The following TRMT10A variants were observed in gnomAD, a reference collection of about 807,000 sequenced individuals.
The protein encoded by TRMT10A is tRNA methyltransferase 10 homolog A.
A neutral mutation model predicts 40.4 loss-of-function variants in TRMT10A; 37 were observed. The observed-to-expected ratio is 0.92, with a 90% CI of 0.71 to 1.21. The LOEUF (loss-of-function observed/expected upper bound fraction) is 1.21. Ranked by LOEUF, TRMT10A falls within the 50% of genes most tolerant of loss-of-function variation. TRMT10A has a pLI of 0.00. For missense variants in TRMT10A, 388 were observed against 404.3 expected, an observed-to-expected ratio of 0.96 and a Z score of 0.35; for synonymous variants, 103 against 134.1, an observed-to-expected ratio of 0.77 and a Z score of 1.60.
At chr4:99,563,572 G>T in intron 1 of TRMT10A, 1 of 246,938 alleles carries the variant, frequency 4.0e-6, no homozygotes, top group South Asian at 4.0e-5. Context: ...CACATACTAC[G>T]GGCCGATGGC....
chr4:99,552,715 AACTG>A (rs149302760), intron 6 of TRMT10A, among the ~76,000 whole-genome samples: 1 of 152,322 alleles, frequency 6.6e-6, no homozygotes, highest in Non-Finnish European at 1.5e-5. Context: ...AATTTTAAAT[AACTG>A]ACAAGTTTTA....
chr4:99,551,632 A>C (rs979336679), intron 6 of TRMT10A, among the ~76,000 whole-genome samples: 3 of 152,130 alleles, frequency 2.0e-5, no homozygotes, highest in Non-Finnish European at 4.4e-5. Flanking sequence ...TATTTACTAT[A>C]CTTTTTATCG....
Position 99,563,917 on chromosome 4 carries a change from C to G in TRMT10A, c.-28G>C, listed in dbSNP as rs899563656. 2.2e-5 allele frequency: 17 copies of G among 778,852 alleles called. No individual in the cohort carries two copies. The highest frequency in any genetic ancestry group is 3.3e-5 in the Non-Finnish European group (15 of 456,734). 48.2% of individuals were successfully genotyped at this position (778,852 alleles called of 1,614,324 possible). A position where few individuals can be genotyped will look rare whatever the true frequency, so the allele number is the denominator to read the frequency against. ...AACCAGTGCCAGGACACTTACCGAG[C>G]TGAAGAGTTGACAGGGAAGTGAAAT... On this transcript the variant is annotated 5_prime_UTR_variant, in exon 1 of 8. Coordinates refer to ENST00000394876, the MANE Select transcript of TRMT10A (RefSeq NM_001134665.3).
In TRMT10A at chr4:99,549,201, C is replaced by G. The variant is rs774007477; in HGVS notation, c.907G>C (p.Asp303His). The G allele has an allele frequency of 1.2e-6, 2 of 1,614,042 alleles. No individual in the cohort carries two copies. Among genetic ancestry groups the G allele is most frequent in the South Asian group, 2.2e-5 (2 of 91,084 alleles). Residue 303 changes from aspartate to histidine, a missense_variant, in exon 8 of 8, where the codon GAC (aspartate) becomes CAC (histidine). Physicochemically the swap from Asp to His is moderately conservative, Grantham distance 81 (BLOSUM62 -1). Transcript: ENST00000394876. ...TATTCCTCCTCACTGGAATCACTGTCCGATCCACCTTCCTCCATCCTGACA... is the reference window on the plus strand; with the variant it reads ...TATTCCTCCTCACTGGAATCACTGTGCGATCCACCTTCCTCCATCCTGACA... ...QSVRMEEGGSDSDSSEEEYSR... is the reference protein window; with the variant it reads ...QSVRMEEGGSHSDSSEEEYSR...
At position 99,550,891 on chromosome 4, in the gene TRMT10A, T is replaced by C; in HGVS notation, c.745A>G (p.Asn249Asp). Residue 249 changes from asparagine (N) to aspartate (D), a missense_variant, in exon 7 of 8, where the codon AAT becomes GAT. Transcript: ENST00000394876. ...TTTATCCCTTACAGCTTACCATGAT[T>C]AACTGCCAAAACTTTTCGACTATTC... is the stretch of plus-strand genomic sequence containing the variant. ...KMNSRKVLAV[N>D]HVFEIILEYL... 6.2e-7 allele frequency: 1 copy of C among 1,611,844 alleles called. No individual in the cohort carries two copies. The highest frequency in any genetic ancestry group is 8.5e-7 in the Non-Finnish European group (1 of 1,178,498).
chr4:99,562,954 TG>T, intron 1 of TRMT10A, among the ~76,000 whole-genome samples: 1 of 152,268 alleles, frequency 6.6e-6, no homozygotes, highest in East Asian at 1.9e-4. Context: ...CCCCAGTAGC[TG>T]GGATTACTGG....
chr4:99,557,634 GTATT>G, intron 3 of TRMT10A: 1 of 452,686 alleles, frequency 2.2e-6, no homozygotes, highest in Middle Eastern at 5.9e-4. Context: ...TTCATATTTT[GTATT>G]TATTTAAAAT....
chr4:99,563,844 G>A, intron 1 of TRMT10A, 69 bp downstream of exon 1: 1 of 667,168 alleles, frequency 1.5e-6, no homozygotes, highest in Non-Finnish European at 2.7e-6. Context: ...GGGCTGCATG[G>A]CACGCGCCCC....
At chr4:99,559,651 C>T (rs1460178946) in intron 1 of TRMT10A, among the ~76,000 whole-genome samples, 1 of 152,124 alleles carries the variant, frequency 6.6e-6, no homozygotes, top group Non-Finnish European at 1.5e-5. Context: ...TATTTAGACA[C>T]CCTTTGACTC....
intron 1 of TRMT10A, among the ~76,000 whole-genome samples, chr4:99,559,767 C>T (rs1256122099): frequency 6.6e-6 from 1 of 152,172 alleles, no homozygotes; most frequent in East Asian, 1.9e-4. Flanking sequence ...TTAGAAACCT[C>T]CTGAATGTCA....
chr4:99,559,061 C>T, intron 2 of TRMT10A, 93 bp downstream of exon 2: 1 of 1,236,658 alleles, frequency 8.1e-7, no homozygotes, highest in Non-Finnish European at 1.1e-6. Context: ...TTTTAAGTAA[C>T]ACAATTACAT....
chr4:99,556,980 T>G (rs1363560778), intron 4 of TRMT10A, among the ~76,000 whole-genome samples: 2 of 152,154 alleles, frequency 1.3e-5, no homozygotes, highest in Non-Finnish European at 2.9e-5. Flanking sequence ...CCACGACATA[T>G]GTCAAGCGGT....
In TRMT10A at chr4:99,556,154, T is replaced by G. The variant is rs1724151860; in HGVS notation, c.487A>C (p.Asn163His). ...TTATCTGTTTTAATTACCTTCCAGT[T>G]GACCCATCCTTTGTCATTTTCATCC... ...NMDENDKGWV[N>H]WKDIHIKPEH... The change falls in exon 5 of 8, where the codon AAC becomes CAC. Residue 163 changes from asparagine (N) to histidine (H), a missense_variant. Physicochemically the swap from Asn to His is moderately conservative, Grantham distance 68 (BLOSUM62 1). Transcript: ENST00000394876. 1 of 1,613,508 alleles carries G rather than the reference T, an allele frequency of 6.2e-7. No homozygotes were observed. The highest frequency in any genetic ancestry group is 8.5e-7 in the Non-Finnish European group (1 of 1,179,698).
rs756303721 is a variant in TRMT10A, at chr4:99,549,285, G to A, written c.823C>T (p.Arg275Trp). The change falls in exon 8 of 8, where the codon CGG becomes TGG. Residue 275 changes from arginine to tryptophan, a missense_variant. Arg to Trp is a moderately radical substitution (Grantham distance 101, BLOSUM62 -3). Transcript: ENST00000394876. ...TTGTCTGTGGGAACAGCTCCTTTCC[G>A]TTGGGGCAAGATAGTAAAAAATGCT... Reference protein sequence around the residue: ...QEAFFTILPQRKGAVPTDKAC... With the variant: ...QEAFFTILPQWKGAVPTDKAC... 9.3e-6 allele frequency: 15 copies of A among 1,613,974 alleles called. No homozygotes were observed. The highest frequency in any genetic ancestry group is 6.7e-5 in the Admixed American group (4 of 59,996).
intron 1 of TRMT10A, among the ~76,000 whole-genome samples, chr4:99,562,177 A>C (rs1724428253): frequency 6.9e-6 from 1 of 145,258 alleles, no homozygotes; most frequent in Admixed American, 6.8e-5. Flanking sequence ...TCTCCAAAAA[A>C]AAAAAAAAAT....
chr4:99,549,749 T>TC (rs1723890405), intron 7 of TRMT10A, among the ~76,000 whole-genome samples: 1 of 152,224 alleles, frequency 6.6e-6, no homozygotes, highest in African/African-American at 2.4e-5. Context: ...CACTAGGATC[T>TC]CCTTGACTGC....
rs371320115 is a variant in TRMT10A at position 99,557,320 on chromosome 4, T to A, written c.420+25A>T. ...CAAAAGACATAAAAGAAAACTAGAG[T>A]CTGCTTTAAAATCTTTACACATACC... On this transcript the variant is annotated intron_variant, in intron 4 of 7. Coordinates refer to ENST00000394876, the MANE Select transcript of TRMT10A (RefSeq NM_001134665.3). 16 of 1,597,944 alleles carry A rather than the reference T, an allele frequency of 1.0e-5. No homozygotes were observed. In the African/African-American group the frequency reaches 2.2e-4, roughly 22 times the overall value.
At chr4:99,559,612 T>G (rs1395034550) in intron 1 of TRMT10A, among the ~76,000 whole-genome samples, 1 of 152,190 alleles carries the variant, frequency 6.6e-6, no homozygotes, top group Non-Finnish European at 1.5e-5. Context: ...AGGCAACACA[T>G]ATATATGTTT....
intron 6 of TRMT10A, among the ~76,000 whole-genome samples, chr4:99,553,518 T>G (rs974707952): frequency 1.3e-5 from 2 of 152,194 alleles, no homozygotes; most frequent in African/African-American, 4.8e-5. Context: ...CTTTGTCACC[T>G]ACTACTGTTG....
Sources: gnomAD v4.1 joint callset for allele counts (sites outside exome capture counted in the v4.1 genomes callset) on GRCh38, gnomAD v4.1.1 for gene constraint, MANE v1.5 for transcripts, NCBI Gene and HGNC (gene_info 2026-07-23, HGNC 2026-07-21) for gene names.